CFAP74: variants seen among roughly 807,000 people sequenced by gnomAD.
CFAP74 encodes the protein cilia and flagella associated protein 74.
In CFAP74, 124 loss-of-function variants were observed where a neutral mutation model predicts 188.9. The ratio of observed to expected loss-of-function variants is 0.66; its 90% confidence interval spans 0.57 to 0.76. The LOEUF (loss-of-function observed/expected upper bound fraction) is 0.76, where lower values mean the gene tolerates loss of function less well. CFAP74 is among the 30% of genes least tolerant of loss of function. CFAP74 has a pLI of 0.00. For missense variants in CFAP74, 2,198 were observed against 2,165.2 expected (o/e 1.02, Z -0.30); for synonymous variants, 956 against 916.7 (o/e 1.04, Z -0.77).
In CFAP74 at chr1:1,966,426, G is replaced by A. The variant is rs761563997; in HGVS notation, c.1346C>T (p.Thr449Met). The change falls in exon 12 of 39, where the codon ACG becomes ATG. Residue 449 changes from threonine to methionine, a missense_variant. Coordinates refer to ENST00000682832, the MANE Select transcript of CFAP74 (RefSeq NM_001304360.2). ...CCCAGAGATCTCGGGCTCAGCTAAC[G>A]TTTCCTCCTCTGAGCTGGCCCCGGG... ...GDPGASSEEE[T>M]LAEPEISGLW... The A allele has an allele frequency of 2.3e-5, 37 of 1,604,472 alleles. No homozygotes were observed. The highest frequency in any genetic ancestry group is 9.1e-5 in the East Asian group (4 of 44,132).
chr1:1,963,151 A>C (rs1398897141), intron 14 of CFAP74, among the ~76,000 whole-genome samples: 1 of 152,196 alleles, frequency 6.6e-6, no homozygotes, highest in East Asian at 1.9e-4. Flanking sequence ...AAAACATAAC[A>C]ATACAAAAGG....
intron 6 of CFAP74, among the ~76,000 whole-genome samples, chr1:1,982,824 T>C (rs964337635): frequency 2.6e-5 from 4 of 152,192 alleles, no homozygotes; most frequent in Non-Finnish European, 5.9e-5. Context: ...GAAATAGACC[T>C]GTGGCTTTGG....
intron 20 of CFAP74, among the ~76,000 whole-genome samples, chr1:1,945,573 A>T (rs1288104263): frequency 6.6e-6 from 1 of 152,030 alleles, no homozygotes; most frequent in African/African-American, 2.4e-5. Context: ...CACTCCTGTA[A>T]TCCCAGCACT....
chr1:1,980,032 C>T (rs550839319), intron 6 of CFAP74, among the ~76,000 whole-genome samples: 19 of 151,420 alleles, frequency 1.3e-4, no homozygotes, highest in African/African-American at 4.1e-4. Flanking sequence ...CCAAAGGCTT[C>T]GGACGGCGTC....
At chr1:1,940,989 T>G (rs569892575) in intron 22 of CFAP74, among the ~76,000 whole-genome samples, 1 of 152,150 alleles carries the variant, frequency 6.6e-6, no homozygotes, top group African/African-American at 2.4e-5. Flanking sequence ...GGCGGGCGCC[T>G]GTAGTCCCAG....
chr1:1,972,008 G>A lies in CFAP74; in HGVS notation c.860C>T (p.Ala287Val), dbSNP rs768950775. The A allele has an allele frequency of 9.9e-6, 16 of 1,611,808 alleles. No homozygotes were observed. The highest frequency in any genetic ancestry group is 3.3e-5 in the Admixed American group (2 of 60,028). The change falls in exon 9 of 39, where the codon GCG becomes GTG. Residue 287 changes from alanine to valine, a missense_variant. Transcript: ENST00000682832. Reference sequence around the variant, plus strand: ...GTTCGCGGAGATGCTGCCCTTCAGCGCCACCACCGCATCCATGCGTCGCCT... The same window carrying A: ...GTTCGCGGAGATGCTGCCCTTCAGCACCACCACCGCATCCATGCGTCGCCT... ...YMRRRMDAVV[A>V]LKGSISANRD...
At chr1:1,932,599 TC>T (rs1233760919) in intron 25 of CFAP74, among the ~76,000 whole-genome samples, 1 of 151,240 alleles carries the variant, frequency 6.6e-6, no homozygotes, top group Non-Finnish European at 1.5e-5. Flanking sequence ...TTTCTTTTTT[TC>T]TTTTTTTTTT....
rs995135297 is a variant in CFAP74 at position 1,923,262 on chromosome 1, A to C, written c.4522+105T>G. 4.7e-6 allele frequency: 7 copies of C among 1,490,392 alleles called. No homozygotes were observed. The South Asian group carries it at 8.9e-5, about 19-fold the overall frequency. 92.3% of individuals were successfully genotyped at this position (1,490,392 alleles called of 1,614,324 possible). ...CTGTCCTGCTTGGCTCTGGGGTAGAAGGCTGGGAATCCCTGCCCTGCTCCG... is the reference window on the plus strand; with the variant it reads ...CTGTCCTGCTTGGCTCTGGGGTAGACGGCTGGGAATCCCTGCCCTGCTCCG... On this transcript the variant is annotated intron_variant, in intron 36 of 38. Coordinates refer to ENST00000682832, the MANE Select transcript of CFAP74 (RefSeq NM_001304360.2). This position sits in a 1 kb window ranked among gnomAD's most constrained non-coding sequence, Gnocchi z 6.3.
At position 1,942,174 on chromosome 1, in the gene CFAP74, G is replaced by A. The variant is rs973584539; in HGVS notation, c.2487-18C>T. 4.0e-6 allele frequency: 6 copies of A among 1,489,296 alleles called. No homozygotes were observed. In the Admixed American group the frequency reaches 7.1e-5, roughly 18 times the overall value. 92.3% of individuals were successfully genotyped at this position (1,489,296 alleles called of 1,614,324 possible). The stretch of plus-strand genomic sequence containing the variant: ...CTTTCGACCTGTGGGCGTGTCGCAG[G>A]GCACTGGGTCAGGTGCCACAGTCGT... On this transcript the variant is annotated intron_variant, in intron 21 of 38. Transcript: ENST00000682832. The surrounding 1 kb of genome is among the most constrained non-coding windows in gnomAD (Gnocchi z 4.3).
In CFAP74 at chr1:1,950,913, T is replaced by C. The variant is rs114393949; in HGVS notation, c.2177-3859A>G. Among the ~76,000 whole-genome samples, 1,288 of 152,316 alleles carry C rather than the reference T, an allele frequency of 8.5e-3. 21 individuals are homozygous for C. Among genetic ancestry groups the C allele is most frequent in the African/African-American group, 0.028 (1,181 of 41,562 alleles). ...GGGCCACACATTCTCTCCTGTGTTT[T>C]TTTCGGGGGGGAATTTTATATTTTT... On this transcript the variant is annotated intron_variant, in intron 18 of 38. Transcript: ENST00000682832.
intron 4 of CFAP74, 78 bp downstream of exon 4, chr1:1,988,434 G>T: frequency 6.4e-7 from 1 of 1,566,472 alleles, no homozygotes; most frequent in South Asian, 1.1e-5. Context: ...ACAGGTACAG[G>T]ACCACCCCTG....
At position 1,970,718 on chromosome 1, in the gene CFAP74, C is replaced by G. The variant is rs201253726; in HGVS notation, c.987G>C (p.Arg329Ser). ...GGTGGACAAGGTGCCTGAATGCATC[C>G]CTGCCCTGGGCCAGAATCGCCTTCT... ...AEKKAILAQG[R>S]DAFRHLVHQR... The change falls in exon 10 of 39, where the codon AGG becomes AGC. Residue 329 changes from arginine to serine, a missense_variant. By Grantham distance (110) the Arg-to-Ser change is moderately radical. Transcript: ENST00000682832. 2 of 1,614,120 alleles carry G rather than the reference C, an allele frequency of 1.2e-6. No individual in the cohort carries two copies. The highest frequency in any genetic ancestry group is 1.7e-6 in the Non-Finnish European group (2 of 1,179,992).
chr1:1,939,895 G>T, intron 23 of CFAP74, 128 bp from the exon 24 acceptor site: 1 of 925,538 alleles, frequency 1.1e-6, no homozygotes, highest in Non-Finnish European at 1.6e-6. Flanking sequence ...ACACGACGAG[G>T]CCGTCTCTTC....
At chr1:1,952,493 C>G (rs1328291953) in intron 18 of CFAP74, among the ~76,000 whole-genome samples, 1 of 150,676 alleles carries the variant, frequency 6.6e-6, no homozygotes, top group Admixed American at 6.6e-5. Flanking sequence ...GACTGTCAGA[C>G]TGGATAAACA....
Position 1,923,880 on chromosome 1 carries a change from C to T in CFAP74, c.4284G>A (p.Lys1428=), listed in dbSNP as rs2295362. 0.078 allele frequency: 126,068 copies of T among 1,612,908 alleles called. 11,855 individuals carry two copies. Among genetic ancestry groups the T allele is most frequent in the African/African-American group, 0.4 (29,686 of 74,864 alleles). ...GTGTCTTCCCGGGGTCCATGACGCC[C>T]TTGACGGGGGCCACGCTGAACACGC... ...GQSVFSVAPV[K]GVMDPGKTQD... Residue 1428 remains lysine, a synonymous_variant, in exon 35 of 39, where the codon AAG becomes AAA. Coordinates refer to ENST00000682832, the MANE Select transcript of CFAP74 (RefSeq NM_001304360.2). The surrounding 1 kb of genome is among the most constrained non-coding windows in gnomAD (Gnocchi z 6.3).
chr1:1,967,978 T>G (rs1474040712), intron 11 of CFAP74, among the ~76,000 whole-genome samples: 2 of 118,226 alleles, frequency 1.7e-5, no homozygotes, highest in Middle Eastern at 3.8e-3. Context: ...AGTGAATGAG[T>G]AAAGAATGAA....
chr1:1,935,895 A>AG (rs1186336279), intron 25 of CFAP74, among the ~76,000 whole-genome samples: 2 of 148,282 alleles, frequency 1.3e-5, no homozygotes, highest in African/African-American at 5.2e-5. Context: ...CACGAACTGC[A>AG]GGGGGCTCTG....
chr1:1,929,949 C>G, intron 26 of CFAP74, 111 bp downstream of exon 26: 1 of 1,242,850 alleles, frequency 8.0e-7, no homozygotes, highest in South Asian at 1.6e-5. Context: ...CGCCCCTGTT[C>G]TCCGGGTTGA....
chr1:1,982,318 T>C (rs1277336124), intron 6 of CFAP74, among the ~76,000 whole-genome samples: 1 of 112,582 alleles, frequency 8.9e-6, no homozygotes, highest in Non-Finnish European at 1.9e-5. Flanking sequence ...CCAGCCGTGG[T>C]CACACGCGGG....
Sources: allele counts gnomAD v4.1 joint callset (sites outside exome capture counted in the v4.1 genomes callset), GRCh38; gene constraint gnomAD v4.1.1; non-coding constraint Gnocchi (gnomAD v3.1); transcripts MANE v1.5; gene names NCBI Gene and HGNC (gene_info 2026-07-23, HGNC 2026-07-21).